SIRT1: variants seen among roughly 807,000 people sequenced by gnomAD.
The protein encoded by SIRT1 is sirtuin 1, also known as NAD-dependent protein deacetylase sirtuin-1.
SIRT1 carries 24 observed loss-of-function variants against 67.9 expected under a neutral mutation model. The observed-to-expected ratio is 0.35, with a 90% CI of 0.26 to 0.50. The LOEUF (loss-of-function observed/expected upper bound fraction) is 0.50, where lower values mean the gene tolerates loss of function less well. Among genes scored for constraint, SIRT1 ranks in the 20% least tolerant of loss-of-function variants. SIRT1 has a pLI of 0.98. For missense variants in SIRT1, 873 were observed against 937.2 expected (o/e 0.93, Z 0.89); for synonymous variants, 378 against 350.7 (o/e 1.08, Z -0.87).
rs2029950679 is a variant in SIRT1, at chr10:67,917,249, T to G, written c.*656T>G. ...TACTTGGTGCTAAGAATTTCAGGAT[T>G]ATTGTATTTACGTTCAAATGAAGAT... On this transcript the variant is annotated 3_prime_UTR_variant, in exon 9 of 9. Coordinates refer to ENST00000212015, the MANE Select transcript of SIRT1 (RefSeq NM_012238.5). 1 of 152,612 alleles carries G rather than the reference T, an allele frequency of 6.6e-6. No individual in the cohort carries two copies. Among genetic ancestry groups the G allele is most frequent in the African/African-American group, 2.4e-5 (1 of 41,454 alleles). 9.5% of individuals were successfully genotyped at this position (152,612 alleles called of 1,614,324 possible).
rs201948258 is a variant in SIRT1, at chr10:67,912,525, C to T, written c.1409C>T (p.Pro470Leu). The change falls in exon 8 of 9, where the codon CCT (proline) becomes CTT (leucine). Residue 470 changes from proline to leucine, a missense_variant. Pro to Leu is a moderately conservative substitution (Grantham distance 98, BLOSUM62 -3). Around this residue, in one of 3 missense-constraint regions of SIRT1, gnomAD observed 251 missense variants for 358.8 expected, o/e 0.70. Transcript: ENST00000212015. ...PQILINREPLPHLHFDVELLG... is the reference protein window; with the variant it reads ...PQILINREPLLHLHFDVELLG... ...ATATTAATTAATAGAGAACCTTTGC[C>T]TCATCTGCATTTTGATGTAGAGCTT... 2 of 1,613,850 alleles carry T rather than the reference C, an allele frequency of 1.2e-6. No homozygotes were observed. The highest frequency in any genetic ancestry group is 1.3e-5 in the African/African-American group (1 of 74,878).
intron 4 of SIRT1, among the ~76,000 whole-genome samples, chr10:67,904,831 C>T (rs1285583122): frequency 7.6e-6 from 1 of 131,562 alleles, no homozygotes; most frequent in Non-Finnish European, 1.6e-5. Context: ...GCAAAAAGAG[C>T]GAAACTCTGT....
chr10:67,897,188 T>C (rs1446569059), intron 4 of SIRT1, among the ~76,000 whole-genome samples: 1 of 151,930 alleles, frequency 6.6e-6, no homozygotes, highest in East Asian at 1.9e-4. Context: ...TGAGCACCAG[T>C]GTGTTACAGT....
intron 1 of SIRT1, chr10:67,885,412 T>C (rs1179060124): frequency 9.0e-6 from 11 of 1,226,632 alleles, no homozygotes; most frequent in South Asian, 4.2e-5. Context: ...CGGGAGACTC[T>C]CGCAGTCGCT....
chr10:67,885,478 C>CT (rs1246078169), intron 1 of SIRT1: 733 of 961,242 alleles, frequency 7.6e-4, no homozygotes, highest in East Asian at 9.4e-4. Context: ...TTTGTTAGAG[C>CT]TTTTTTTTTC....
chr10:67,906,698 T>C, intron 4 of SIRT1, 92 bp from the exon 5 acceptor site: 1 of 1,214,158 alleles, frequency 8.2e-7, no homozygotes, highest in African/African-American at 1.5e-5. Flanking sequence ...TAAAATTATG[T>C]GTGTGGGATT....
chr10:67,916,352 C>T lies in SIRT1; in HGVS notation c.2003C>T (p.Ser668Phe), dbSNP rs2029911644. ...GACTCTGAAGATGACGTCTTATCCTCTAGTTCTTGTGGCAGTAACAGTGAT... is the reference window on the plus strand; with the variant it reads ...GACTCTGAAGATGACGTCTTATCCTTTAGTTCTTGTGGCAGTAACAGTGAT... ...YSDSEDDVLS[S>F]SSCGSNSDSG... Residue 668 changes from serine (S) to phenylalanine (F), a missense_variant, in exon 9 of 9, where the codon TCT becomes TTT. This residue lies in a region of SIRT1 where 295 missense variants were observed against 294.5 expected (regional missense o/e 1.00). Coordinates refer to ENST00000212015, the MANE Select transcript of SIRT1 (RefSeq NM_012238.5). 2.5e-6 allele frequency: 4 copies of T among 1,614,188 alleles called. No homozygotes were observed. Among genetic ancestry groups the T allele is most frequent in the Non-Finnish European group, 3.4e-6 (4 of 1,180,022 alleles).
In SIRT1 at chr10:67,884,685, G is replaced by C. The variant is rs935919823; in HGVS notation, c.-37G>C. ...GTGCCGCGCGTCGAGCGGGAGCAGAGGAGGCGAGGGAGGAGGGCCAGAGAG... is the reference window on the plus strand; with the variant it reads ...GTGCCGCGCGTCGAGCGGGAGCAGACGAGGCGAGGGAGGAGGGCCAGAGAG... On this transcript the variant is annotated 5_prime_UTR_variant, in exon 1 of 9. Transcript: ENST00000212015. 1.6e-6 allele frequency: 2 copies of C among 1,227,088 alleles called. No homozygotes were observed. The highest frequency in any genetic ancestry group is 4.2e-5 in the South Asian group (1 of 23,910). 76.0% of individuals were successfully genotyped at this position (1,227,088 alleles called of 1,614,324 possible).
chr10:67,911,917 C>T (rs991881406), intron 7 of SIRT1, among the ~76,000 whole-genome samples: 1 of 151,804 alleles, frequency 6.6e-6, no homozygotes, highest in Non-Finnish European at 1.5e-5. Context: ...CATGCGCTAC[C>T]ACACGCCCGG....
rs1487167824 is a variant in SIRT1 at position 67,912,595 on chromosome 10, A to G, written c.1479A>G (p.Leu493=). The part of the protein sequence containing the change: ...DVIINELCHR[L]GGEYAKLCCN... Reference sequence around the variant, plus strand: ...TAATTAATGAATTGTGTCATAGGTTAGGTGGTGAATATGCCAAACTTTGCT... The same window carrying G: ...TAATTAATGAATTGTGTCATAGGTTGGGTGGTGAATATGCCAAACTTTGCT... The change falls in exon 8 of 9, where the codon TTA becomes TTG. Residue 493 remains leucine, a synonymous_variant. Transcript: ENST00000212015. 2 of 1,614,180 alleles carry G rather than the reference A, an allele frequency of 1.2e-6. No homozygotes were observed. Among genetic ancestry groups the G allele is most frequent in the Non-Finnish European group, 1.7e-6 (2 of 1,180,036 alleles).
chr10:67,894,651 A>C (rs1442701543), intron 4 of SIRT1, among the ~76,000 whole-genome samples: 1 of 152,076 alleles, frequency 6.6e-6, no homozygotes, highest in Non-Finnish European at 1.5e-5. Flanking sequence ...TGTTAAACTG[A>C]AAAAAAATTC....
chr10:67,887,475 TGAG>T lies in SIRT1; in HGVS notation c.495_497del (p.Glu165del), dbSNP rs1166803467. 33 of 1,613,896 alleles carry T rather than the reference TGAG, an allele frequency of 2.0e-5. No individual in the cohort carries two copies. Among genetic ancestry groups the T allele is most frequent in the East Asian group, 4.5e-5 (2 of 44,886 alleles). The stretch of plus-strand genomic sequence containing the variant: ...ATGGTTTTCATTCCTGTGAAAGTGA[TGAG>T]GAGGATAGAGCCTCACATGCAAGCT... On this transcript the variant is annotated inframe_deletion, in exon 2 of 9. Coordinates refer to ENST00000212015, the MANE Select transcript of SIRT1 (RefSeq NM_012238.5).
intron 7 of SIRT1, 88 bp from the exon 8 acceptor site, chr10:67,912,386 T>C: frequency 1.6e-6 from 2 of 1,216,010 alleles, no homozygotes; most frequent in South Asian, 1.5e-5. Context: ...CAAGCCCTTG[T>C]TGGATTTTTG....
At chr10:67,885,478 CT>C (rs1246078169) in intron 1 of SIRT1, 144 of 962,706 alleles carry the variant, frequency 1.5e-4, no homozygotes, top group East Asian at 4.1e-4. Context: ...TTTGTTAGAG[CT>C]TTTTTTTTCT....
At chr10:67,889,792 C>G (rs1203820117) in intron 3 of SIRT1, among the ~76,000 whole-genome samples, 1 of 152,076 alleles carries the variant, frequency 6.6e-6, no homozygotes, top group African/African-American at 2.4e-5. Flanking sequence ...ATGTTTTGCT[C>G]ACAGATAACG....
intron 4 of SIRT1, among the ~76,000 whole-genome samples, chr10:67,895,517 C>G (rs1482425972): frequency 2.0e-5 from 3 of 152,078 alleles, no homozygotes; most frequent in African/African-American, 7.2e-5. Context: ...ATAACCTAAG[C>G]TTTTCTGTGA....
At chr10:67,912,070 C>T (rs1842909141) in intron 7 of SIRT1, among the ~76,000 whole-genome samples, 1 of 152,098 alleles carries the variant, frequency 6.6e-6, no homozygotes, top group Non-Finnish European at 1.5e-5. Context: ...AGCTCACCTT[C>T]TTTATATCAG....
At chr10:67,896,625 T>G (rs1158093307) in intron 4 of SIRT1, among the ~76,000 whole-genome samples, 1 of 151,862 alleles carries the variant, frequency 6.6e-6, no homozygotes, top group Non-Finnish European at 1.5e-5. Flanking sequence ...TGAAACCCTG[T>G]CTCTACTAAA....
At chr10:67,900,665 A>G (rs1025761151) in intron 4 of SIRT1, among the ~76,000 whole-genome samples, 4 of 152,016 alleles carry the variant, frequency 2.6e-5, no homozygotes, top group African/African-American at 9.7e-5. Flanking sequence ...GCTGGTCTCA[A>G]ACTCCTGAGC....
Sources: gnomAD v4.1 joint callset for allele counts (sites outside exome capture counted in the v4.1 genomes callset) on GRCh38, gnomAD v4.1.1 for gene constraint, gnomAD v4.1.1 regional missense constraint, MANE v1.5 for transcripts, NCBI Gene and HGNC (gene_info 2026-07-23, HGNC 2026-07-21) for gene names.